The following CHM variants were observed in gnomAD, a reference collection of about 807,000 sequenced individuals.
The protein encoded by CHM is CHM Rab escort protein.
Under a neutral mutation model 49.0 loss-of-function variants are expected in CHM, and 10 were observed. That is an observed-to-expected ratio of 0.20 (90% confidence interval 0.13 to 0.35). The LOEUF (loss-of-function observed/expected upper bound fraction) is 0.35, where lower values mean the gene tolerates loss of function less well. Ranked by LOEUF, CHM falls within the 10% of genes least tolerant of loss-of-function variation. The probability of loss-of-function intolerance (pLI) is 1.00; values close to 1 mark genes in which losing one functional copy is unlikely to be tolerated. For synonymous variants in CHM, 184 were observed against 167.5 expected (o/e 1.10, Z -0.76); for missense variants, 455 against 478.4 (o/e 0.95, Z 0.46).
intron 14 of CHM, among the ~76,000 whole-genome samples, chrX:85,865,325 C>T: frequency 9.0e-6 from 1 of 111,310 alleles, no homozygotes; most frequent in Non-Finnish European, 1.9e-5. Context: ...TTTAGCAGTT[C>T]CCCCTTTTCT....
At chrX:85,919,240 G>T (rs1375296524) in intron 8 of CHM, among the ~76,000 whole-genome samples, 3 of 111,447 alleles carry the variant, frequency 2.7e-5, no homozygotes, top group African/African-American at 9.8e-5. Context: ...AGCTGTATAA[G>T]GTTAAAACTA....
intron 1 of CHM, among the ~76,000 whole-genome samples, chrX:86,043,932 T>C (rs1934568767): frequency 9.0e-6 from 1 of 111,425 alleles, no homozygotes; most frequent in African/African-American, 3.3e-5. Context: ...TATGTGTTTA[T>C]CCTATGCAGT....
At chrX:85,942,718 C>G (rs1169950299) in intron 8 of CHM, among the ~76,000 whole-genome samples, 1 of 108,291 alleles carries the variant, frequency 9.2e-6, no homozygotes, top group Non-Finnish European at 1.9e-5. Flanking sequence ...TGGGAGGAAA[C>G]CAATGGGGAT....
chrX:85,936,348 T>C (rs1928781116), intron 8 of CHM, among the ~76,000 whole-genome samples: 1 of 111,989 alleles, frequency 8.9e-6, no homozygotes, highest in Admixed American at 9.5e-5. Context: ...TACTCTGCAT[T>C]AGTGTGGGAT....
intron 14 of CHM, among the ~76,000 whole-genome samples, chrX:85,867,297 G>A (rs976278887): frequency 3.9e-4 from 43 of 111,418 alleles, no homozygotes; most frequent in Non-Finnish European, 6.4e-4. Flanking sequence ...CTCTCCTGCC[G>A]CCATGTAAGA....
intron 2 of CHM, among the ~76,000 whole-genome samples, chrX:86,013,314 T>C (rs1933155725): frequency 9.0e-6 from 1 of 111,229 alleles, no homozygotes; most frequent in Admixed American, 9.6e-5. Flanking sequence ...TCACCTCCAG[T>C]GGAAGGCCCA....
chrX:85,887,764 A>G (rs948282636), intron 12 of CHM, among the ~76,000 whole-genome samples: 2 of 111,422 alleles, frequency 1.8e-5, no homozygotes, highest in Non-Finnish European at 3.8e-5. Flanking sequence ...GAACTGGAGT[A>G]AAGGTGACTC....
rs1931604897 is a variant in CHM at position 85,981,441 on chromosome X, C to A, written c.189+296G>T. Among the ~76,000 whole-genome samples the A allele has an allele frequency of 3.7e-5, 4 of 109,348 alleles. No individual in the cohort carries two copies. In the Admixed American group the frequency reaches 3.9e-4, roughly 11 times the overall value. 95.0% of individuals were successfully genotyped at this position (109,348 alleles called of 115,157 possible). A position where few individuals can be genotyped will look rare whatever the true frequency, so the allele number is the denominator to read the frequency against. ...TAGAAATGGGATTTCGCCATGTTGG[C>A]CAGGCTGGTCTCGAACTCCTGACAT... On this transcript the variant is annotated intron_variant, in intron 3 of 14. Transcript: ENST00000357749.
chrX:85,926,311 T>C (rs1314596053), intron 8 of CHM, among the ~76,000 whole-genome samples: 1 of 111,349 alleles, frequency 9.0e-6, no homozygotes, highest in African/African-American at 3.3e-5. Context: ...AAAGCAGTCT[T>C]TGGTATAAAA....
At chrX:85,869,104 C>A (rs981115576) in intron 14 of CHM, among the ~76,000 whole-genome samples, 2 of 111,101 alleles carry the variant, frequency 1.8e-5, no homozygotes, top group Non-Finnish European at 3.8e-5. Flanking sequence ...TTCTCTGACT[C>A]CTAGATTGGG....
rs368016587 is a variant in CHM at position 85,976,029 on chromosome X, G to A, written c.314+2738C>T. On this transcript the variant is annotated intron_variant, in intron 4 of 14. Transcript: ENST00000357749. Reference sequence around the variant, plus strand: ...AGAATTTTCTAGATAACAAAACCTCGTCTCTTAAAAGGGTACAATTTTTAT... The same window carrying A: ...AGAATTTTCTAGATAACAAAACCTCATCTCTTAAAAGGGTACAATTTTTAT... Among the ~76,000 whole-genome samples the A allele has an allele frequency of 1.0e-3, 112 of 111,824 alleles. No individual in the cohort carries two copies. In the Middle Eastern group the frequency reaches 0.033, roughly 33 times the overall value.
At chrX:85,928,446 G>C (rs1326976786) in intron 8 of CHM, among the ~76,000 whole-genome samples, 1 of 110,867 alleles carries the variant, frequency 9.0e-6, no homozygotes, top group Non-Finnish European at 1.9e-5. Context: ...GAGAGGCTGA[G>C]GCAGGAGAAT....
At chrX:86,014,627 G>T (rs373151394) in intron 2 of CHM, among the ~76,000 whole-genome samples, 2 of 112,701 alleles carry the variant, frequency 1.8e-5, no homozygotes, top group East Asian at 5.6e-4. Flanking sequence ...GGAGGTCTCT[G>T]GTTGGCAAAG....
At chrX:85,989,889 T>G (rs1340977538) in intron 2 of CHM, among the ~76,000 whole-genome samples, 1 of 112,074 alleles carries the variant, frequency 8.9e-6, no homozygotes, top group Admixed American at 9.5e-5. Context: ...TGTACACTGT[T>G]GGTGGAAGTG....
intron 2 of CHM, among the ~76,000 whole-genome samples, chrX:86,019,989 T>C (rs1300953933): frequency 9.6e-6 from 1 of 104,476 alleles, no homozygotes; most frequent in Non-Finnish European, 2.0e-5. Context: ...GAAAGACAGA[T>C]GAGATTAAAG....
At chrX:85,879,876 CT>C (rs1236870784) in intron 12 of CHM, among the ~76,000 whole-genome samples, 4 of 109,729 alleles carry the variant, frequency 3.6e-5, no homozygotes, top group Non-Finnish European at 7.6e-5. Context: ...CGAGAAATTC[CT>C]CCCCCCACTA....
chrX:85,918,252 C>T (rs1306304783), intron 8 of CHM, among the ~76,000 whole-genome samples: 1 of 111,051 alleles, frequency 9.0e-6, no homozygotes, highest in Non-Finnish European at 1.9e-5. Context: ...GATTAGGGGC[C>T]TATATACAGC....
intron 2 of CHM, among the ~76,000 whole-genome samples, chrX:85,987,072 G>A (rs1931955858): frequency 9.1e-6 from 1 of 110,467 alleles, no homozygotes; most frequent in Non-Finnish European, 1.9e-5. Flanking sequence ...AAGAATCTCA[G>A]AACTTGCACA....
intron 4 of CHM, chrX:85,971,207 C>A (rs1254511769): frequency 2.6e-6 from 2 of 754,743 alleles, no homozygotes; most frequent in Middle Eastern, 7.6e-4. Flanking sequence ...CATTTGAATT[C>A]TCGCCTAGTC....
Sources: allele counts gnomAD v4.1 joint callset (sites outside exome capture counted in the v4.1 genomes callset), GRCh38; gene constraint gnomAD v4.1.1; transcripts MANE v1.5; gene names NCBI Gene and HGNC (gene_info 2026-07-23, HGNC 2026-07-21).